Variants in PACRG observed in about 807,000 individuals in gnomAD.
PACRG encodes the protein parkin coregulated gene protein.
In PACRG, 29 loss-of-function variants were observed where a neutral mutation model predicts 29.7. The observed-to-expected ratio is 0.98, with a 90% CI of 0.73 to 1.33. PACRG has a LOEUF of 1.33. PACRG is among the 40% of genes most tolerant of loss of function. PACRG has a pLI of 0.00. For synonymous variants in PACRG, 116 were observed against 118.7 expected (o/e 0.98, Z 0.15); for missense variants, 279 against 316.2 (o/e 0.88, Z 0.89).
At chr6:163,078,835 C>T (rs2476472) in intron 3 of PACRG, among the ~76,000 whole-genome samples, 3,825 of 152,264 alleles carry the variant, frequency 0.025, 129 homozygotes, top group African/African-American at 0.075. Context: ...CCTTAAGCCA[C>T]CAAAGCACAG....
intron 1 of PACRG, among the ~76,000 whole-genome samples, chr6:162,790,699 C>T (rs767219461): frequency 6.6e-6 from 1 of 152,090 alleles, no homozygotes; most frequent in African/African-American, 2.4e-5. Context: ...ATTATATAAT[C>T]CTAAGTAGGC....
intron 2 of PACRG, among the ~76,000 whole-genome samples, chr6:162,947,555 T>TAA (rs1491088116): frequency 1.7e-5 from 2 of 119,090 alleles, no homozygotes; most frequent in Admixed American, 9.8e-5. Context: ...CATATATATA[T>TAA]AATCATATAT....
intron 2 of PACRG, among the ~76,000 whole-genome samples, chr6:162,852,005 G>GAGGAAGGAAGGAAGGAAGGAAAGGAAGGA (rs1562663951): frequency 1.7e-4 from 20 of 116,090 alleles, no homozygotes; most frequent in East Asian, 7.4e-4. Context: ...GGGAGGGAGG[G>GAGGAAGGAAGGAAGGAAGGAAAGGAAGGA]AGGAAGGAAG....
At chr6:163,104,315 G>A (rs979256358) in intron 4 of PACRG, among the ~76,000 whole-genome samples, 3 of 152,166 alleles carry the variant, frequency 2.0e-5, no homozygotes, top group African/African-American at 7.2e-5. Context: ...ACCACATGGT[G>A]TGCATTCAAT....
chr6:163,282,799 C>G (rs935937567), intron 4 of PACRG, among the ~76,000 whole-genome samples: 1 of 151,756 alleles, frequency 6.6e-6, no homozygotes, highest in Admixed American at 6.6e-5. Flanking sequence ...GTGTACTTTT[C>G]TTCACTTTCT....
chr6:163,155,023 C>T lies in PACRG; in HGVS notation c.613+65615C>T, dbSNP rs189121679. 2.7e-3 allele frequency among the ~76,000 whole-genome samples: 407 copies of T among 152,148 alleles called. 1 individual carries two copies. Among genetic ancestry groups the T allele is most frequent in the Non-Finnish European group, 3.5e-3 (237 of 68,002 alleles). On this transcript the variant is annotated intron_variant, in intron 4 of 4. Coordinates refer to ENST00000366888, the MANE Select transcript of PACRG (RefSeq NM_001080379.2). ...ATGCAACATGACTTATCCTTGGCCT[C>T]CAAAGCCCTCACACCTAGATTATTG...
At chr6:162,987,801 TG>T (rs1463970133) in intron 2 of PACRG, among the ~76,000 whole-genome samples, 1 of 152,172 alleles carries the variant, frequency 6.6e-6, no homozygotes, top group East Asian at 1.9e-4. Context: ...AGTCCTTGTT[TG>T]TAGATATGTT....
At chr6:163,272,388 G>A (rs1783865485) in intron 4 of PACRG, among the ~76,000 whole-genome samples, 1 of 152,080 alleles carries the variant, frequency 6.6e-6, no homozygotes, top group African/African-American at 2.4e-5. Flanking sequence ...TGTTTATTCA[G>A]TTAATTCTCA....
chr6:162,814,576 C>T (rs1787166026), intron 2 of PACRG, among the ~76,000 whole-genome samples: 1 of 152,104 alleles, frequency 6.6e-6, no homozygotes. Context: ...TTCAGGCAGT[C>T]CATCAAATGA....
intron 4 of PACRG, among the ~76,000 whole-genome samples, chr6:163,121,239 A>G (rs1421288223): frequency 2.6e-5 from 4 of 152,244 alleles, no homozygotes; most frequent in Non-Finnish European, 4.4e-5. Flanking sequence ...AAAGGACCTT[A>G]TAAACCATAA....
chr6:163,269,889 GA>G lies in PACRG; in HGVS notation c.614-44934del, dbSNP rs67314549. On this transcript the variant is annotated intron_variant, in intron 4 of 4. Transcript: ENST00000366888. The stretch of plus-strand genomic sequence containing the variant: ...AAAGAGAAAGAAAGAAAGAAAGAAA[GA>G]AAACAAAGAAAGAAAGAAAGAAAGA... Among the ~76,000 whole-genome samples the G allele has an allele frequency of 5.1e-3, 124 of 24,092 alleles. 5 individuals are homozygous for G. Among genetic ancestry groups the G allele is most frequent in the Middle Eastern group, 0.031 (1 of 32 alleles). The allele number at this position is 24,092 out of a possible 152,430, so 15.8% of individuals were successfully genotyped here. A position where few individuals can be genotyped will look rare whatever the true frequency, so the allele number is the denominator to read the frequency against.
At chr6:163,081,950 A>G (rs185620786) in intron 3 of PACRG, among the ~76,000 whole-genome samples, 127 of 152,324 alleles carry the variant, frequency 8.3e-4, no homozygotes, top group African/African-American at 3.0e-3. Context: ...TAAATATTAG[A>G]AAGCAAACAC....
intron 2 of PACRG, among the ~76,000 whole-genome samples, chr6:162,830,650 A>AT (rs1788684920): frequency 6.6e-6 from 1 of 152,224 alleles, no homozygotes; most frequent in African/African-American, 2.4e-5. Flanking sequence ...GCTCCAAATG[A>AT]TTTTAGACAG....
chr6:162,912,930 A>C lies in PACRG; in HGVS notation c.291+98649A>C, dbSNP rs371489372. Among the ~76,000 whole-genome samples, 1,140 of 152,212 alleles carry C rather than the reference A, an allele frequency of 7.5e-3. 14 individuals are homozygous for C. The highest frequency in any genetic ancestry group is 0.021 in the African/African-American group (876 of 41,524). On this transcript the variant is annotated intron_variant, in intron 2 of 4. Transcript: ENST00000366888. ...AATCCAAAACAAACAAACAAAAAAA[A>C]AAAAAACAAAATTGGATTGGAAAGC...
At chr6:163,222,037 G>A (rs1781601107) in intron 4 of PACRG, among the ~76,000 whole-genome samples, 1 of 152,228 alleles carries the variant, frequency 6.6e-6, no homozygotes, top group South Asian at 2.1e-4. Context: ...TTCAGCAGCA[G>A]CTGATGGAAC....
intron 1 of PACRG, among the ~76,000 whole-genome samples, chr6:162,788,029 T>C (rs1211378757): frequency 6.6e-6 from 1 of 152,158 alleles, no homozygotes; most frequent in Non-Finnish European, 1.5e-5. Context: ...TGACACATCA[T>C]TGTCCACCAT....
At chr6:162,790,296 C>G (rs891255710) in intron 1 of PACRG, among the ~76,000 whole-genome samples, 1 of 152,098 alleles carries the variant, frequency 6.6e-6, no homozygotes, top group Non-Finnish European at 1.5e-5. Flanking sequence ...CAGGCATGCT[C>G]ATAGGATGGA....
intron 1 of PACRG, among the ~76,000 whole-genome samples, chr6:162,787,574 GTGTGTGTGTATATA>G (rs1365789103): frequency 0.012 from 744 of 60,306 alleles, 8 homozygotes; most frequent in African/African-American, 0.047. Context: ...GTGTGTGTGT[GTGTGTGTGTATATA>G]TATATATATA....
intron 1 of PACRG, among the ~76,000 whole-genome samples, chr6:162,756,190 G>A (rs1781902935): frequency 6.6e-6 from 1 of 152,112 alleles, no homozygotes; most frequent in Non-Finnish European, 1.5e-5. Flanking sequence ...CAAGTCCAAT[G>A]TTTCTTTATT....
Sources: gnomAD v4.1 joint callset for allele counts (sites outside exome capture counted in the v4.1 genomes callset) on GRCh38, gnomAD v4.1.1 for gene constraint, MANE v1.5 for transcripts, NCBI Gene and HGNC (gene_info 2026-07-23, HGNC 2026-07-21) for gene names.